NGEF: variants seen among roughly 807,000 people sequenced by gnomAD.
The protein encoded by NGEF is ephexin-1.
A neutral mutation model predicts 80.9 loss-of-function variants in NGEF; 31 were observed. The observed-to-expected ratio is 0.38, with a 90% CI of 0.29 to 0.52. The LOEUF (loss-of-function observed/expected upper bound fraction) is 0.52. Among genes scored for constraint, NGEF ranks in the 20% least tolerant of loss-of-function variants. The probability of loss-of-function intolerance (pLI) is 0.84; values close to 1 mark genes in which losing one functional copy is unlikely to be tolerated. For missense variants in NGEF, 709 were observed against 926.2 expected, an observed-to-expected ratio of 0.77 and a Z score of 3.04; for synonymous variants, 371 against 370.2, an observed-to-expected ratio of 1.00 and a Z score of -0.03.
chr2:232,940,741 TCTTA>T (rs1464726498), intron 3 of NGEF, among the ~76,000 whole-genome samples: 2 of 152,240 alleles, frequency 1.3e-5, no homozygotes, highest in South Asian at 2.1e-4. Context: ...GGTAGTATGC[TCTTA>T]CTTTGTTTAT....
intron 3 of NGEF, chr2:232,927,819 GGACCCC>G: frequency 9.7e-7 from 1 of 1,028,814 alleles, no homozygotes; most frequent in Non-Finnish European, 1.2e-6. Flanking sequence ...GGGGTGCCCG[GGACCCC>G]GGGCGCAAGC....
intron 1 of NGEF, among the ~76,000 whole-genome samples, chr2:232,998,423 A>G (rs1694901306): frequency 6.6e-6 from 1 of 152,156 alleles, no homozygotes; most frequent in South Asian, 2.1e-4. Context: ...GCATGTGCTT[A>G]GGAAGCATGG....
intron 3 of NGEF, among the ~76,000 whole-genome samples, chr2:232,960,345 A>G (rs1693921917): frequency 6.6e-6 from 1 of 152,352 alleles, no homozygotes; most frequent in South Asian, 2.1e-4. Flanking sequence ...GTCCCAACAC[A>G]ATACCTGAAC....
intron 3 of NGEF, among the ~76,000 whole-genome samples, chr2:232,948,318 G>A (rs1693605077): frequency 6.6e-6 from 1 of 152,126 alleles, no homozygotes; most frequent in Admixed American, 6.6e-5. Context: ...CAATCCCAGA[G>A]TAGCTGAGAT....
intron 2 of NGEF, among the ~76,000 whole-genome samples, chr2:232,972,205 T>C (rs1406980329): frequency 2.0e-5 from 3 of 152,178 alleles, no homozygotes; most frequent in Non-Finnish European, 2.9e-5. Flanking sequence ...GTATTTCCAA[T>C]GAAAATTTGG....
intron 3 of NGEF, among the ~76,000 whole-genome samples, chr2:232,968,345 C>T (rs553205115): frequency 6.6e-6 from 1 of 151,990 alleles, no homozygotes; most frequent in Admixed American, 6.5e-5. Context: ...ACCTCGGCTT[C>T]CCAAAGTGCC....
chr2:232,946,497 G>T (rs1693560933), intron 3 of NGEF, among the ~76,000 whole-genome samples: 2 of 152,212 alleles, frequency 1.3e-5, no homozygotes, highest in South Asian at 4.1e-4. Context: ...CACTGTATTG[G>T]ATTGGAATTA....
chr2:232,965,319 T>C lies in NGEF; in HGVS notation c.383+4895A>G, dbSNP rs558836601. Reference sequence around the variant, plus strand: ...TTTGCTGTATGAGAGCAAAATGGACTTCAATAGGAATGGATAAAGAAATTG... The same window carrying C: ...TTTGCTGTATGAGAGCAAAATGGACCTCAATAGGAATGGATAAAGAAATTG... On this transcript the variant is annotated intron_variant, in intron 3 of 14. Transcript: ENST00000264051. 3.3e-5 allele frequency among the ~76,000 whole-genome samples: 5 copies of C among 152,298 alleles called. No individual in the cohort carries two copies. The South Asian group carries it at 1.0e-3, about 32-fold the overall frequency.
chr2:232,913,388 G>A (rs1261546623), intron 5 of NGEF, among the ~76,000 whole-genome samples: 1 of 152,186 alleles, frequency 6.6e-6, no homozygotes, highest in Non-Finnish European at 1.5e-5. Flanking sequence ...GTTAAGGAGA[G>A]TTATGCTTTA....
At chr2:232,917,725 G>C (rs1692838944) in intron 5 of NGEF, among the ~76,000 whole-genome samples, 1 of 152,096 alleles carries the variant, frequency 6.6e-6, no homozygotes, top group Non-Finnish European at 1.5e-5. Context: ...ATTCTACTCT[G>C]TCTGATAATA....
intron 1 of NGEF, among the ~76,000 whole-genome samples, chr2:232,993,181 A>AATATAAATAT (rs1553559500): frequency 1.2e-5 from 1 of 84,344 alleles, no homozygotes; most frequent in Middle Eastern, 6.2e-3. Context: ...TATATAAATA[A>AATATAAATAT]ATATATATAT....
At chr2:232,968,469 G>A (rs1276739480) in intron 3 of NGEF, among the ~76,000 whole-genome samples, 1 of 151,702 alleles carries the variant, frequency 6.6e-6, no homozygotes, top group African/African-American at 2.4e-5. Flanking sequence ...GCAATGGCAT[G>A]ATCTTGGCTT....
chr2:232,907,712 A>G (rs559428367), intron 5 of NGEF, among the ~76,000 whole-genome samples: 65 of 152,262 alleles, frequency 4.3e-4, no homozygotes, highest in African/African-American at 1.5e-3. Flanking sequence ...TTTATTTTCT[A>G]TGCCTTCTCA....
chr2:232,956,224 C>A (rs994799772), intron 3 of NGEF, among the ~76,000 whole-genome samples: 16 of 152,110 alleles, frequency 1.1e-4, no homozygotes, highest in African/African-American at 3.9e-4. Context: ...CTGAAGGGAC[C>A]TGGCTGGGCC....
intron 5 of NGEF, among the ~76,000 whole-genome samples, chr2:232,918,258 T>A (rs1692854546): frequency 6.6e-6 from 1 of 152,124 alleles, no homozygotes; most frequent in South Asian, 2.1e-4. Context: ...GTGCCTGGCT[T>A]ACCTGGCTAA....
At chr2:232,884,527 T>A (rs1691614512) in intron 10 of NGEF, among the ~76,000 whole-genome samples, 1 of 152,162 alleles carries the variant, frequency 6.6e-6, no homozygotes, top group African/African-American at 2.4e-5. Context: ...GTGTGGCAGC[T>A]AGTGTCTGTC....
chr2:232,947,015 G>A (rs1387681833), intron 3 of NGEF, among the ~76,000 whole-genome samples: 1 of 152,208 alleles, frequency 6.6e-6, no homozygotes, highest in African/African-American at 2.4e-5. Flanking sequence ...TTGCAAAAAT[G>A]TAATAGTTGG....
At chr2:232,919,306 C>T (rs1229471617) in intron 5 of NGEF, among the ~76,000 whole-genome samples, 1 of 151,894 alleles carries the variant, frequency 6.6e-6, no homozygotes, top group Non-Finnish European at 1.5e-5. Context: ...ACCACAGCTG[C>T]CACAAGAAAC....
At chr2:232,996,243 G>T (rs182454875) in intron 1 of NGEF, among the ~76,000 whole-genome samples, 5 of 152,052 alleles carry the variant, frequency 3.3e-5, no homozygotes, top group African/African-American at 1.2e-4. Context: ...CACGAGAATC[G>T]CTTGAACCCA....
Sources: gnomAD v4.1 joint callset for allele counts (sites outside exome capture counted in the v4.1 genomes callset) on GRCh38, gnomAD v4.1.1 for gene constraint, MANE v1.5 for transcripts, NCBI Gene and HGNC (gene_info 2026-07-23, HGNC 2026-07-21) for gene names.